Variants in SELP observed in about 807,000 individuals in gnomAD.
SELP encodes P-selectin.
A neutral mutation model predicts 104.1 loss-of-function variants in SELP; 92 were observed. That is an observed-to-expected ratio of 0.88 (90% confidence interval 0.75 to 1.05). The LOEUF (loss-of-function observed/expected upper bound fraction) is 1.05, where lower values mean the gene tolerates loss of function less well. Among genes scored for constraint, SELP ranks in the 50% least tolerant of loss-of-function variants. SELP has a pLI of 0.00. For synonymous variants in SELP, 397 were observed against 364.5 expected (o/e 1.09, Z -1.01); for missense variants, 1,022 against 1,017.3 (o/e 1.00, Z -0.06).
chr1:169,625,191 C>T (rs1663317595), intron 1 of SELP, among the ~76,000 whole-genome samples: 1 of 152,178 alleles, frequency 6.6e-6, no homozygotes, highest in African/African-American at 2.4e-5. Context: ...AGACTTTCCA[C>T]CCTTATCTTC....
chr1:169,593,714 CA>C lies in SELP; in HGVS notation c.2297del (p.Leu766Ter), dbSNP rs750232724. ...TTVPTCQAGP[L>X]TIQEALTYFG... ...AGTAAGTCAGGGCTTCCTGGATAGT[CA>C]ATGGTCCTGCTACAAAACAAACACA... On this transcript the variant is annotated frameshift_variant, in exon 14 of 17. Transcript: ENST00000263686. LOFTEE classifies it high-confidence loss of function. 6.2e-7 allele frequency: 1 copy of C among 1,613,404 alleles called. No individual in the cohort carries two copies. Among genetic ancestry groups the C allele is most frequent in the African/African-American group, 1.3e-5 (1 of 75,000 alleles).
intron 11 of SELP, among the ~76,000 whole-genome samples, chr1:169,596,487 G>A (rs3917808): frequency 0.011 from 1,626 of 152,310 alleles, 32 homozygotes; most frequent in African/African-American, 0.037. Flanking sequence ...TGCCTTATTG[G>A]GAAATGGTAC....
chr1:169,607,979 C>T (rs1324824016), intron 8 of SELP, among the ~76,000 whole-genome samples: 17 of 152,072 alleles, frequency 1.1e-4, no homozygotes, highest in Admixed American at 1.1e-3. Context: ...CATTTACCTT[C>T]CTGGAGACAA....
intron 1 of SELP, among the ~76,000 whole-genome samples, chr1:169,628,128 T>C (rs1663466714): frequency 6.6e-6 from 1 of 152,206 alleles, no homozygotes; most frequent in African/African-American, 2.4e-5. Context: ...ACTCTCGACT[T>C]CAAGTGATCT....
At chr1:169,628,035 A>G (rs1410394546) in intron 1 of SELP, among the ~76,000 whole-genome samples, 1 of 152,228 alleles carries the variant, frequency 6.6e-6, no homozygotes, top group East Asian at 1.9e-4. Context: ...AGCTGGGATT[A>G]CAGGCACATG....
rs1661980962 is a variant in SELP, at chr1:169,602,993, A to G, written c.1705+33T>C. On this transcript the variant is annotated intron_variant, in intron 10 of 16. Transcript: ENST00000263686. ...TTCTCCATTCTCTGATGTCATCTTT[A>G]AAGCCATAAGAAAGGACAGACCCAC... The G allele has an allele frequency of 3.2e-6, 5 of 1,555,784 alleles. No homozygotes were observed. The South Asian group carries it at 4.7e-5, about 15-fold the overall frequency.
intron 1 of SELP, among the ~76,000 whole-genome samples, chr1:169,619,613 T>C (rs1226434139): frequency 1.3e-5 from 2 of 152,208 alleles, no homozygotes; most frequent in African/African-American, 2.4e-5. Flanking sequence ...GAAAGTCACA[T>C]GAGAACTTCC....
At chr1:169,620,834 TC>T (rs1253591134) in intron 1 of SELP, among the ~76,000 whole-genome samples, 1 of 123,248 alleles carries the variant, frequency 8.1e-6, no homozygotes, top group Non-Finnish European at 1.7e-5. Context: ...TGTGTATGTG[TC>T]ATGCCACAGT....
intron 6 of SELP, among the ~76,000 whole-genome samples, 163 bp from the exon 7 acceptor site, chr1:169,611,840 G>C (rs1009499682): frequency 4.6e-5 from 7 of 152,112 alleles, no homozygotes; most frequent in Non-Finnish European, 8.8e-5. Context: ...CCAGTTCCCA[G>C]GGTGATCTGA....
At chr1:169,614,191 G>A (rs3917714) in intron 3 of SELP, among the ~76,000 whole-genome samples, 7,900 of 152,278 alleles carry the variant, frequency 0.052, 253 homozygotes, top group South Asian at 0.11. Context: ...AGCTTGCACA[G>A]TGTTAGAGCC....
At chr1:169,596,859 C>A in intron 11 of SELP, 132 bp downstream of exon 11, 1 of 681,948 alleles carries the variant, frequency 1.5e-6, no homozygotes. Context: ...TAAAATCCTT[C>A]AGCTGTTTGC....
intron 14 of SELP, among the ~76,000 whole-genome samples, chr1:169,591,751 T>C (rs531444270): frequency 2.6e-5 from 4 of 152,340 alleles, no homozygotes; most frequent in Admixed American, 1.3e-4. Flanking sequence ...CCCTCAGCCC[T>C]TAGCTGAGCA....
At chr1:169,612,806 G>A in intron 5 of SELP, 123 bp downstream of exon 5, 1 of 779,892 alleles carries the variant, frequency 1.3e-6, no homozygotes, top group Non-Finnish European at 2.0e-6. Context: ...GTGATAACCA[G>A]AGTTTTCCAT....
rs1398535204 is a variant in SELP, at chr1:169,610,404, T to C, written c.1148-715A>G. Among the ~76,000 whole-genome samples, 4 of 152,178 alleles carry C rather than the reference T, an allele frequency of 2.6e-5. No homozygotes were observed. The East Asian group carries it at 7.7e-4, about 29-fold the overall frequency. On this transcript the variant is annotated intron_variant, in intron 7 of 16. Coordinates refer to ENST00000263686, the MANE Select transcript of SELP (RefSeq NM_003005.4). ...CCTCATGCTCTTCCTTGATAAAGCATTTCATTTCCAGGCTATTTCTGAAAC... is the reference window on the plus strand; with the variant it reads ...CCTCATGCTCTTCCTTGATAAAGCACTTCATTTCCAGGCTATTTCTGAAAC...
Position 169,613,575 on chromosome 1 carries a change from G to C in SELP, c.589+11C>G, listed in dbSNP as rs750083855. 4.4e-6 allele frequency: 7 copies of C among 1,602,564 alleles called. No individual in the cohort carries two copies. Among genetic ancestry groups the C allele is most frequent in the Non-Finnish European group, 6.0e-6 (7 of 1,169,600 alleles). ...AAAACCAAAATAATATCAACAAAAA[G>C]GAAGCCTCACCGTATTCACATTCTG... On this transcript the variant is annotated intron_variant, in intron 4 of 16. Transcript: ENST00000263686.
chr1:169,598,364 C>T (rs1661734107), intron 10 of SELP, among the ~76,000 whole-genome samples: 2 of 152,126 alleles, frequency 1.3e-5, no homozygotes, highest in Admixed American at 1.3e-4. Context: ...TTTTACAAAC[C>T]TCTTCAAGAC....
intron 12 of SELP, among the ~76,000 whole-genome samples, chr1:169,595,718 A>G (rs1661571707): frequency 6.6e-6 from 1 of 152,168 alleles, no homozygotes; most frequent in Non-Finnish European, 1.5e-5. Context: ...GTACTTGTGT[A>G]TTAGCTTTAG....
intron 10 of SELP, among the ~76,000 whole-genome samples, chr1:169,600,634 G>A (rs866311582): frequency 1.3e-5 from 2 of 152,144 alleles, no homozygotes; most frequent in South Asian, 4.1e-4. Flanking sequence ...CTGCCACACT[G>A]CCTCTGCTTA....
rs771351403 is a variant in SELP, at chr1:169,603,237, A to G, written c.1520-26T>C. 16 of 1,592,814 alleles carry G rather than the reference A, an allele frequency of 1.0e-5. No individual in the cohort carries two copies. The African/African-American group carries it at 2.2e-4, about 21-fold the overall frequency. On this transcript the variant is annotated intron_variant, in intron 9 of 16. Transcript: ENST00000263686. ...CTATCATGGGCATGGCAGAGGAGAA[A>G]AGAAGAGATCATTTTATAATTCAGC... is the stretch of plus-strand genomic sequence containing the variant.
Sources: allele counts gnomAD v4.1 joint callset (sites outside exome capture counted in the v4.1 genomes callset), GRCh38; gene constraint gnomAD v4.1.1; transcripts MANE v1.5; gene names NCBI Gene and HGNC (gene_info 2026-07-23, HGNC 2026-07-21).